Variants in MGLL observed in about 807,000 individuals in gnomAD.
MGLL encodes the protein lysophospholipase homolog.
A neutral mutation model predicts 29.1 loss-of-function variants in MGLL; 7 were observed. The ratio of observed to expected loss-of-function variants is 0.24; its 90% CI spans 0.14 to 0.45. MGLL has a LOEUF of 0.45. Among genes scored for constraint, MGLL ranks in the 20% least tolerant of loss-of-function variants. The pLI is 0.99. For missense variants in MGLL, 356 were observed against 413.6 expected (o/e 0.86, Z 1.21); for synonymous variants, 148 against 168.3 (o/e 0.88, Z 0.93).
chr3:127,758,563 C>G (rs1220552135), intron 3 of MGLL, among the ~76,000 whole-genome samples: 1 of 152,240 alleles, frequency 6.6e-6, no homozygotes, highest in African/African-American at 2.4e-5. Flanking sequence ...CTTAGAGCAG[C>G]CCCTGAGCCT....
intron 4 of MGLL, among the ~76,000 whole-genome samples, chr3:127,721,516 T>TG (rs1559922306): frequency 6.7e-6 from 1 of 149,924 alleles, no homozygotes; most frequent in African/African-American, 2.5e-5. Flanking sequence ...GGTTTTTTTT[T>TG]TTTTTTTTTT....
chr3:127,738,114 A>T (rs2076275872), intron 3 of MGLL, among the ~76,000 whole-genome samples: 1 of 152,024 alleles, frequency 6.6e-6, no homozygotes, highest in African/African-American at 2.4e-5. Flanking sequence ...AGCCTGGACA[A>T]CATGGTGAAA....
chr3:127,769,936 C>T (rs1181294786), intron 3 of MGLL, among the ~76,000 whole-genome samples: 1 of 152,192 alleles, frequency 6.6e-6, no homozygotes, highest in Admixed American at 6.5e-5. Context: ...CTTTCTTCTT[C>T]CACCTGTCAT....
intron 3 of MGLL, among the ~76,000 whole-genome samples, chr3:127,732,316 T>C (rs2076166361): frequency 6.6e-6 from 1 of 152,190 alleles, no homozygotes; most frequent in African/African-American, 2.4e-5. Flanking sequence ...GAGGTAGGGA[T>C]TCTTTCCCCA....
chr3:127,709,693 A>G (rs948335407), intron 6 of MGLL, among the ~76,000 whole-genome samples: 1 of 152,218 alleles, frequency 6.6e-6, no homozygotes, highest in Non-Finnish European at 1.5e-5. Context: ...CAAGAGGGCA[A>G]CTGAGGCAGA....
chr3:127,702,499 T>C (rs1472943352), intron 6 of MGLL, among the ~76,000 whole-genome samples: 1 of 152,182 alleles, frequency 6.6e-6, no homozygotes, highest in Non-Finnish European at 1.5e-5. Flanking sequence ...ATCAGGGCCA[T>C]TTGGAAAGAA....
upstream of MGLL, chr3:127,822,630 G>A: frequency 2.4e-6 from 1 of 419,796 alleles, no homozygotes; most frequent in Non-Finnish European, 4.3e-6. Flanking sequence ...GGAGGGGCCC[G>A]GGAAACTGGG....
chr3:127,754,120 A>G (rs1422406825), intron 3 of MGLL, among the ~76,000 whole-genome samples: 1 of 152,200 alleles, frequency 6.6e-6, no homozygotes, highest in East Asian at 1.9e-4. Context: ...AGGAGGCCAC[A>G]GCCTCCCGCT....
intron 3 of MGLL, among the ~76,000 whole-genome samples, chr3:127,724,440 T>C (rs1284835509): frequency 1.3e-5 from 2 of 152,202 alleles, no homozygotes; most frequent in Non-Finnish European, 2.9e-5. Flanking sequence ...GGATGGACCA[T>C]GTTGTGTTTA....
At chr3:127,762,247 C>T (rs1281340583) in intron 3 of MGLL, among the ~76,000 whole-genome samples, 1 of 152,092 alleles carries the variant, frequency 6.6e-6, no homozygotes, top group Non-Finnish European at 1.5e-5. Flanking sequence ...TGCTCCTGAG[C>T]TCTCCGCGTC....
Position 127,710,624 on chromosome 3 carries a change from C to T in MGLL, c.552G>A (p.Leu184=). 2 of 1,574,598 alleles carry T rather than the reference C, an allele frequency of 1.3e-6. No individual in the cohort carries two copies. ...AKVLNLVLPN[L]SLGPIDSSVL... ...CGCTGGAGTCGATGGGCCCGAGGGA[C>T]AAGTTTGGCAGCACAAGGTTGAGCA... Residue 184 remains leucine (L), a synonymous_variant, in exon 6 of 8, where the codon TTG becomes TTA. Coordinates refer to ENST00000265052, the MANE Select transcript of MGLL (RefSeq NM_007283.7).
At chr3:127,731,146 T>C (rs1055078392) in intron 3 of MGLL, among the ~76,000 whole-genome samples, 1 of 152,200 alleles carries the variant, frequency 6.6e-6, no homozygotes, top group Admixed American at 6.5e-5. Flanking sequence ...TAGTTTTGCA[T>C]CTGTAATGAG....
chr3:127,820,296 T>C (rs1281644170), intron 2 of MGLL, among the ~76,000 whole-genome samples: 1 of 152,208 alleles, frequency 6.6e-6, no homozygotes, highest in East Asian at 1.9e-4. Context: ...GCAATGCAAC[T>C]TCAGCACAGA....
chr3:127,806,802 G>A (rs558460108), intron 2 of MGLL, among the ~76,000 whole-genome samples: 30 of 152,226 alleles, frequency 2.0e-4, no homozygotes, highest in African/African-American at 7.2e-4. Flanking sequence ...CGAGGCGGGT[G>A]GATCACCTGA....
intron 5 of MGLL, 138 bp from the exon 6 acceptor site, chr3:127,710,803 TC>T: frequency 1.3e-6 from 1 of 782,576 alleles, no homozygotes; most frequent in Non-Finnish European, 2.2e-6. Context: ...CAAGCCTGCG[TC>T]CTTAAGCCTG....
At chr3:127,721,261 T>G (rs2075915664) in intron 4 of MGLL, 98 bp from the exon 5 acceptor site, 1 of 1,035,612 alleles carries the variant, frequency 9.7e-7, no homozygotes, top group Admixed American at 1.9e-5. Context: ...GCTGCAGTCC[T>G]GGCCAAGAGC....
chr3:127,722,448 G>C lies in MGLL; in HGVS notation c.381C>G (p.Phe127Leu), dbSNP rs1224590652. Residue 127 changes from phenylalanine (F) to leucine (L), a missense_variant, in exon 4 of 8, where the codon TTC becomes TTG. By Grantham distance (22) the Phe-to-Leu change is conservative. Coordinates refer to ENST00000265052, the MANE Select transcript of MGLL (RefSeq NM_007283.7). Reference protein sequence around the residue: ...MQKDYPGLPVFLLGHSMGGAI... With the variant: ...MQKDYPGLPVLLLGHSMGGAI... ...TGCTTACCATGGAGTGGCCCAGAAG[G>C]AAGACAGGAAGCCCAGGGTAGTCTT... The C allele has an allele frequency of 1.2e-6, 2 of 1,614,116 alleles. No homozygotes were observed. The highest frequency in any genetic ancestry group is 1.7e-6 in the Non-Finnish European group (2 of 1,180,050).
At chr3:127,732,093 C>T (rs2076162893) in intron 3 of MGLL, among the ~76,000 whole-genome samples, 1 of 152,140 alleles carries the variant, frequency 6.6e-6, no homozygotes, top group South Asian at 2.1e-4. Flanking sequence ...ATGGGAAGAG[C>T]CAGCCTCCCC....
At chr3:127,766,928 G>A (rs920407780) in intron 3 of MGLL, among the ~76,000 whole-genome samples, 17 of 152,128 alleles carry the variant, frequency 1.1e-4, no homozygotes, top group South Asian at 2.1e-4. Context: ...AAAATTAGCC[G>A]AGTGTGTTGG....
Sources: gnomAD v4.1 joint callset for allele counts (sites outside exome capture counted in the v4.1 genomes callset) on GRCh38, gnomAD v4.1.1 for gene constraint, MANE v1.5 for transcripts, NCBI Gene and HGNC (gene_info 2026-07-23, HGNC 2026-07-21) for gene names.